Variants in BAZ2B observed in about 807,000 individuals in gnomAD.
BAZ2B encodes the protein bromodomain adjacent to zinc finger domain 2B, also known as bromodomain adjacent to zinc finger domain protein 2B.
In BAZ2B, 91 loss-of-function variants were observed where a neutral mutation model predicts 246.0. The observed-to-expected ratio is 0.37, with a 90% CI of 0.31 to 0.44. The LOEUF (loss-of-function observed/expected upper bound fraction) is 0.44. Among genes scored for constraint, BAZ2B ranks in the 20% least tolerant of loss-of-function variants. The pLI, the probability that BAZ2B is intolerant of heterozygous loss-of-function variation, is 1.00. For synonymous variants in BAZ2B, 855 were observed against 860.0 expected (o/e 0.99, Z 0.10); for missense variants, 2,332 against 2,533.7 (o/e 0.92, Z 1.71).
chr2:159,662,814 G>A, the BAZ2B span, among the ~76,000 whole-genome samples: 1 of 152,174 alleles, frequency 6.6e-6, no homozygotes, highest in East Asian at 1.9e-4. Flanking sequence ...TTACCGGAGT[G>A]AGCCACTGCG....
chr2:159,610,949 T>C (rs531352685), intron 1 of BAZ2B, among the ~76,000 whole-genome samples: 3 of 152,118 alleles, frequency 2.0e-5, no homozygotes, highest in East Asian at 3.9e-4. Flanking sequence ...ACAAATCAAA[T>C]AGCACTCAAA....
chr2:159,527,210 G>GAACATC (rs1369867640), intron 2 of BAZ2B, among the ~76,000 whole-genome samples: 4 of 152,124 alleles, frequency 2.6e-5, no homozygotes, highest in African/African-American at 4.8e-5. Context: ...CTGACGGCTA[G>GAACATC]TGATGCTGAA....
chr2:159,674,651 G>C, the BAZ2B span, among the ~76,000 whole-genome samples: 1 of 151,886 alleles, frequency 6.6e-6, no homozygotes, highest in East Asian at 1.9e-4. Flanking sequence ...GGGAGGCAGA[G>C]GTTGCAGTGA....
chr2:159,328,896 G>A (rs2064189471), intron 34 of BAZ2B, among the ~76,000 whole-genome samples: 1 of 152,280 alleles, frequency 6.6e-6, no homozygotes, highest in African/African-American at 2.4e-5. Flanking sequence ...GGGAGGCCGA[G>A]GCAGGCAGAT....
At chr2:159,627,804 G>A in the BAZ2B span, among the ~76,000 whole-genome samples, 24 of 152,244 alleles carry the variant, frequency 1.6e-4, no homozygotes, top group African/African-American at 5.8e-4. Context: ...ACATAGTATT[G>A]GAAGTTCTGG....
the BAZ2B span, among the ~76,000 whole-genome samples, chr2:159,705,715 C>T: frequency 6.6e-6 from 1 of 152,030 alleles, no homozygotes; most frequent in Non-Finnish European, 1.5e-5. Flanking sequence ...TAATTAAGCA[C>T]AACCTGGAAA....
At chr2:159,607,300 C>T (rs1344850478) in intron 1 of BAZ2B, among the ~76,000 whole-genome samples, 1 of 152,156 alleles carries the variant, frequency 6.6e-6, no homozygotes, top group African/African-American at 2.4e-5. Context: ...ACATATATCA[C>T]CCTCTGCTCT....
At chr2:159,468,984 G>C (rs1340483179) in intron 3 of BAZ2B, among the ~76,000 whole-genome samples, 1 of 150,264 alleles carries the variant, frequency 6.7e-6, no homozygotes, top group Non-Finnish European at 1.5e-5. Context: ...ACGGGAGGCA[G>C]AGGTTGCAGT....
intron 2 of BAZ2B, among the ~76,000 whole-genome samples, chr2:159,493,926 G>A (rs1453851956): frequency 1.3e-5 from 2 of 152,162 alleles, no homozygotes; most frequent in Non-Finnish European, 2.9e-5. Flanking sequence ...GTGTGCATGG[G>A]TTTCCCTTTG....
At chr2:159,536,245 T>A (rs1419851721) in intron 2 of BAZ2B, 2 of 152,168 alleles carry the variant, frequency 1.3e-5, no homozygotes, top group African/African-American at 4.8e-5. Context: ...TTACTTTTTT[T>A]AAGGCTAGTC....
chr2:159,594,967 G>T (rs1690308120), intron 1 of BAZ2B, among the ~76,000 whole-genome samples: 1 of 151,924 alleles, frequency 6.6e-6, no homozygotes, highest in African/African-American at 2.4e-5. Context: ...AGTATATTTT[G>T]CAGCATGGCA....
chr2:159,599,532 C>G (rs868371041), intron 1 of BAZ2B, among the ~76,000 whole-genome samples: 6 of 151,680 alleles, frequency 4.0e-5, no homozygotes, highest in Middle Eastern at 6.4e-3. Flanking sequence ...ACAGGAGAAT[C>G]GCTTGAACCT....
At chr2:159,431,505 A>G (rs1443779168) in intron 9 of BAZ2B, among the ~76,000 whole-genome samples, 1 of 152,214 alleles carries the variant, frequency 6.6e-6, no homozygotes, top group Non-Finnish European at 1.5e-5. Context: ...ACAGATTCCA[A>G]TGGCTTATGA....
the BAZ2B span, among the ~76,000 whole-genome samples, chr2:159,686,958 C>T: frequency 6.3e-3 from 941 of 149,558 alleles, 9 homozygotes; most frequent in African/African-American, 0.022. Flanking sequence ...AGGAGAATGG[C>T]GTCAACCCGG....
intron 2 of BAZ2B, among the ~76,000 whole-genome samples, chr2:159,529,536 T>C (rs1054007382): frequency 6.6e-6 from 1 of 152,162 alleles, no homozygotes; most frequent in African/African-American, 2.4e-5. Flanking sequence ...TTCCTTAAGA[T>C]CTCTGCAAAA....
intron 1 of BAZ2B, among the ~76,000 whole-genome samples, chr2:159,577,121 G>A (rs1227841002): frequency 4.0e-5 from 6 of 150,228 alleles, no homozygotes; most frequent in Non-Finnish European, 7.4e-5. Flanking sequence ...CCAGCTACTC[G>A]GAAGGCTGAG....
At chr2:159,462,825 T>C (rs2076578002) in intron 3 of BAZ2B, 11 of 1,546,156 alleles carry the variant, frequency 7.1e-6, no homozygotes, top group Admixed American at 6.7e-5. Flanking sequence ...GTTTTTAGCA[T>C]AAACAGTACA....
At chr2:159,548,308 TA>T (rs2087662064) in intron 2 of BAZ2B, among the ~76,000 whole-genome samples, 1 of 152,232 alleles carries the variant, frequency 6.6e-6, no homozygotes, top group Non-Finnish European at 1.5e-5. Context: ...TATATTTTAC[TA>T]AAGATATTTT....
At chr2:159,695,805 A>C in the BAZ2B span, among the ~76,000 whole-genome samples, 1 of 151,748 alleles carries the variant, frequency 6.6e-6, no homozygotes, top group African/African-American at 2.4e-5. Context: ...CCCAGGCTGG[A>C]GTGCAGTGGC....
Sources: gnomAD v4.1 joint callset for allele counts (sites outside exome capture counted in the v4.1 genomes callset) on GRCh38, gnomAD v4.1.1 for gene constraint, MANE v1.5 for transcripts, NCBI Gene and HGNC (gene_info 2026-07-23, HGNC 2026-07-21) for gene names.